The following UBXN2B variants were observed in gnomAD, a reference collection of about 807,000 sequenced individuals.
UBXN2B encodes UBX domain protein 2B.
UBXN2B carries 19 observed loss-of-function variants against 37.5 expected under a neutral mutation model. That is an observed-to-expected ratio of 0.51 (90% CI 0.35 to 0.74). UBXN2B has a LOEUF of 0.74. UBXN2B is among the 30% of genes least tolerant of loss of function. UBXN2B has a pLI of 0.01. For missense variants in UBXN2B, 370 were observed against 393.2 expected (o/e 0.94, Z 0.50); for synonymous variants, 145 against 143.8 (o/e 1.01, Z -0.06).
intron 5 of UBXN2B, among the ~76,000 whole-genome samples, chr8:58,435,881 G>A (rs1808400834): frequency 6.6e-6 from 1 of 152,064 alleles, no homozygotes; most frequent in East Asian, 1.9e-4. Flanking sequence ...AAGACCCATT[G>A]TCTCCTTTTT....
At chr8:58,435,169 G>A (rs575553121) in intron 5 of UBXN2B, 1 of 1,320,414 alleles carries the variant, frequency 7.6e-7, no homozygotes, top group East Asian at 3.3e-5. Flanking sequence ...AGCATAAACT[G>A]GGGAATTAAG....
At chr8:58,416,723 G>A (rs1311889883) in intron 1 of UBXN2B, 127 bp from the exon 2 acceptor site, 1 of 651,440 alleles carries the variant, frequency 1.5e-6, no homozygotes, top group African/African-American at 1.9e-5. Flanking sequence ...ATCATCTGAA[G>A]CAGCAGCTTT....
At chr8:58,439,283 G>C (rs1475526023) in intron 5 of UBXN2B, among the ~76,000 whole-genome samples, 2 of 152,156 alleles carry the variant, frequency 1.3e-5, no homozygotes, top group South Asian at 2.1e-4. Flanking sequence ...TTTCTCCGAG[G>C]AGTTTATTAA....
rs1345658759 is a variant in UBXN2B, at chr8:58,448,825, C to G, written c.*1274C>G. On this transcript the variant is annotated 3_prime_UTR_variant, in exon 8 of 8. Transcript: ENST00000399598. ...CTTCTGGTTAGTTTTCCATTGCCACCATAACAAGTTACAAAATGTGGCTTA... is the reference window on the plus strand; with the variant it reads ...CTTCTGGTTAGTTTTCCATTGCCACGATAACAAGTTACAAAATGTGGCTTA... 3 of 152,572 alleles carry G rather than the reference C, an allele frequency of 2.0e-5. No homozygotes were observed. The East Asian group carries it at 5.8e-4, about 29-fold the overall frequency. 9.5% of individuals were successfully genotyped at this position (152,572 alleles called of 1,614,324 possible).
intron 5 of UBXN2B, chr8:58,435,115 T>G (rs1243866290): frequency 1.4e-6 from 2 of 1,410,632 alleles, no homozygotes; most frequent in African/African-American, 2.9e-5. Flanking sequence ...TAGCTGAAAG[T>G]GGAGTTATTT....
intron 2 of UBXN2B, among the ~76,000 whole-genome samples, chr8:58,419,231 T>C (rs1412767644): frequency 6.6e-6 from 1 of 152,252 alleles, no homozygotes; most frequent in African/African-American, 2.4e-5. Flanking sequence ...ACGTATGATA[T>C]CTTCTAATGC....
Position 58,449,085 on chromosome 8 carries a change from C to G in UBXN2B, c.*1534C>G, listed in dbSNP as rs1156400092. ...CATCTCTATGACCCTTCTGTTACCACATCTCTCTGACACCAGTGTGGAGAG... is the reference window on the plus strand; with the variant it reads ...CATCTCTATGACCCTTCTGTTACCAGATCTCTCTGACACCAGTGTGGAGAG... On this transcript the variant is annotated 3_prime_UTR_variant, in exon 8 of 8. Coordinates refer to ENST00000399598, the MANE Select transcript of UBXN2B (RefSeq NM_001077619.2). 3 of 152,220 alleles carry G rather than the reference C, an allele frequency of 2.0e-5. No individual in the cohort carries two copies. Among genetic ancestry groups the G allele is most frequent in the Non-Finnish European group, 4.4e-5 (3 of 68,048 alleles). 9.4% of individuals were successfully genotyped at this position (152,220 alleles called of 1,614,324 possible). A position where few individuals can be genotyped will look rare whatever the true frequency, so the allele number is the denominator to read the frequency against.
chr8:58,442,144 A>G (rs1444346791), intron 6 of UBXN2B, among the ~76,000 whole-genome samples: 3 of 152,178 alleles, frequency 2.0e-5, no homozygotes, highest in Non-Finnish European at 4.4e-5. Flanking sequence ...AAACAAGTGT[A>G]TGTTTGTTTG....
chr8:58,427,261 C>T (rs560048586), intron 2 of UBXN2B, among the ~76,000 whole-genome samples: 2 of 152,200 alleles, frequency 1.3e-5, no homozygotes, highest in South Asian at 2.1e-4. Context: ...CTTGAGCTCA[C>T]GAGTTCAAGA....
At chr8:58,426,586 T>C (rs1254027725) in intron 2 of UBXN2B, 10 of 752,644 alleles carry the variant, frequency 1.3e-5, no homozygotes, top group Non-Finnish European at 2.2e-5. Context: ...TTACTTTTAC[T>C]AGGCCTTGCC....
At chr8:58,425,237 CT>C in intron 2 of UBXN2B, 1 of 1,090,522 alleles carries the variant, frequency 9.2e-7, no homozygotes, top group Non-Finnish European at 1.4e-6. Flanking sequence ...ATGCCATATT[CT>C]TTTAGAGCAT....
intron 2 of UBXN2B, among the ~76,000 whole-genome samples, chr8:58,423,935 GAA>G (rs917656902): frequency 7.0e-6 from 1 of 143,188 alleles, no homozygotes. Flanking sequence ...TCATCGGCTG[GAA>G]AAAAAAAAAG....
chr8:58,438,160 G>A (rs897178127), intron 5 of UBXN2B, among the ~76,000 whole-genome samples: 1 of 152,198 alleles, frequency 6.6e-6, no homozygotes, highest in Admixed American at 6.5e-5. Context: ...TGTAAGCCTT[G>A]GTGGCTTTCG....
intron 2 of UBXN2B, among the ~76,000 whole-genome samples, chr8:58,420,710 A>G (rs1472070952): frequency 6.6e-6 from 1 of 152,222 alleles, no homozygotes; most frequent in Non-Finnish European, 1.5e-5. Context: ...AAACTTGTCA[A>G]AATTAGTTTG....
chr8:58,429,415 G>A, intron 2 of UBXN2B, among the ~76,000 whole-genome samples: 1 of 152,104 alleles, frequency 6.6e-6, no homozygotes, highest in African/African-American at 2.4e-5. Context: ...TTGGGACAAG[G>A]GCTTCCATAG....
At chr8:58,422,653 G>T (rs1563458322) in intron 2 of UBXN2B, among the ~76,000 whole-genome samples, 1 of 152,192 alleles carries the variant, frequency 6.6e-6, no homozygotes, top group Non-Finnish European at 1.5e-5. Context: ...AAAACCAGTG[G>T]CATTAAGAAA....
chr8:58,441,256 A>AGTGCCTGGGTTACAGGCATGAGCCACT (rs1808534043), intron 6 of UBXN2B, among the ~76,000 whole-genome samples: 3 of 151,092 alleles, frequency 2.0e-5, no homozygotes, highest in Non-Finnish European at 4.4e-5. Flanking sequence ...GGCCTGCCAA[A>AGTGCCTGGGTTACAGGCATGAGCCACT]GTGCCTGGGT....
Position 58,434,464 on chromosome 8 carries a change from G to A in UBXN2B, c.493G>A (p.Glu165Lys). The stretch of plus-strand genomic sequence containing the variant: ...TGATGGAGAATTGAGACCTTACAAT[G>A]AACCAACAAATGCTCAATTTCTGGA... ...LDDGELRPYN[E>K]PTNAQFLESV... is the part of the protein sequence containing the mutation. Residue 165 changes from glutamate (E) to lysine (K), a missense_variant, in exon 5 of 8, where the codon GAA (glutamate) becomes AAA (lysine). Physicochemically the swap from Glu to Lys is moderately conservative, Grantham distance 56. Around this residue, in one of 3 missense-constraint regions of UBXN2B, gnomAD observed 90 missense variants for 139.4 expected, o/e 0.65. Transcript: ENST00000399598. 6.4e-7 allele frequency: 1 copy of A among 1,561,826 alleles called. No individual in the cohort carries two copies. The highest frequency in any genetic ancestry group is 1.2e-5 in the South Asian group (1 of 81,444).
At chr8:58,417,801 T>G (rs1021310122) in intron 2 of UBXN2B, among the ~76,000 whole-genome samples, 2 of 152,212 alleles carry the variant, frequency 1.3e-5, no homozygotes, top group Non-Finnish European at 2.9e-5. Flanking sequence ...ATTGAACTTG[T>G]GCACGCATGT....
Sources: gnomAD v4.1 joint callset for allele counts (sites outside exome capture counted in the v4.1 genomes callset) on GRCh38, gnomAD v4.1.1 for gene constraint, gnomAD v4.1.1 regional missense constraint, MANE v1.5 for transcripts, NCBI Gene and HGNC (gene_info 2026-07-23, HGNC 2026-07-21) for gene names.